Variants in POLR3E observed in about 807,000 individuals in gnomAD.
POLR3E encodes the protein DNA-directed RNA polymerase III subunit RPC5.
POLR3E carries 41 observed loss-of-function variants against 96.6 expected under a neutral mutation model. That is an observed-to-expected ratio of 0.42 (90% CI 0.33 to 0.55). The LOEUF (loss-of-function observed/expected upper bound fraction) is 0.55, where lower values mean the gene tolerates loss of function less well. Among genes scored for constraint, POLR3E ranks in the 20% least tolerant of loss-of-function variants. The pLI, the probability that POLR3E is intolerant of heterozygous loss-of-function variation, is 0.06. For synonymous variants in POLR3E, 396 were observed against 383.6 expected (o/e 1.03, Z -0.38); for missense variants, 849 against 952.1 (o/e 0.89, Z 1.43).
chr16:22,326,879 A>G (rs759849042), intron 18 of POLR3E: 2 of 164,486 alleles, frequency 1.2e-5, no homozygotes, highest in Non-Finnish European at 2.6e-5. Flanking sequence ...AAGCAAGCTG[A>G]CCAGCTCAGC....
intron 19 of POLR3E, among the ~76,000 whole-genome samples, chr16:22,329,348 G>A (rs1285823539): frequency 6.6e-6 from 1 of 152,190 alleles, no homozygotes; most frequent in Non-Finnish European, 1.5e-5. Flanking sequence ...GGTCACAGGT[G>A]TCCAGTGCCC....
At chr16:22,330,752 G>A (rs960187374) in intron 19 of POLR3E, among the ~76,000 whole-genome samples, 4 of 151,980 alleles carry the variant, frequency 2.6e-5, no homozygotes, top group African/African-American at 9.7e-5. Flanking sequence ...GTTTGTCTGG[G>A]ACTAGAATTT....
intron 5 of POLR3E, 23 bp from the exon 6 acceptor site, chr16:22,309,405 C>T (rs1217638154): frequency 1.3e-6 from 2 of 1,580,074 alleles, no homozygotes; most frequent in East Asian, 2.2e-5. Context: ...TCCCCTGTGA[C>T]GTTGCTTCTC....
Position 22,333,801 on chromosome 16 carries a change from G to T in POLR3E, c.*101G>T. On this transcript the variant is annotated 3_prime_UTR_variant, in exon 21 of 21. Coordinates refer to ENST00000299853, the MANE Select transcript of POLR3E (RefSeq NM_018119.4). ...TGCTTCAGACGACACAGAGCAAGAG[G>T]AACTGACCATCTCATGACCTGTGGC... is the stretch of plus-strand genomic sequence containing the variant. 1 of 799,868 alleles carries T rather than the reference G, an allele frequency of 1.3e-6. No individual in the cohort carries two copies. Among genetic ancestry groups the T allele is most frequent in the South Asian group, 1.4e-5 (1 of 70,486 alleles). 49.5% of individuals were successfully genotyped at this position (799,868 alleles called of 1,614,324 possible). A position where few individuals can be genotyped will look rare whatever the true frequency, so the allele number is the denominator to read the frequency against.
At chr16:22,316,863 G>T in intron 10 of POLR3E, 132 bp from the exon 11 acceptor site, 1 of 1,048,208 alleles carries the variant, frequency 9.5e-7, no homozygotes, top group East Asian at 2.4e-5. Flanking sequence ...TTTTCTGCAG[G>T]GGCTCAGGGC....
rs983057184 is a variant in POLR3E at position 22,322,306 on chromosome 16, G to A, written c.987-544G>A. Among the ~76,000 whole-genome samples, 1 of 152,136 alleles carries A rather than the reference G, an allele frequency of 6.6e-6. No individual in the cohort carries two copies. Among genetic ancestry groups the A allele is most frequent in the African/African-American group, 2.4e-5 (1 of 41,414 alleles). ...TCAGGGCTACACTCTGGAGATTCTC[G>A]TGCCCTGCTGTCCAAGGCCCCGGCC... On this transcript the variant is annotated intron_variant, in intron 13 of 20. Coordinates refer to ENST00000299853, the MANE Select transcript of POLR3E (RefSeq NM_018119.4). This position sits in a 1 kb window ranked among gnomAD's most constrained non-coding sequence, Gnocchi z 5.2.
rs1310198618 is a variant in POLR3E at position 22,333,588 on chromosome 16, T to C, written c.2071-56T>C. ...TCGAGTGTTGACATTGTGGACAGAATGTAATTAGCTCCTTTTCCTGCAAAA... is the reference window on the plus strand; with the variant it reads ...TCGAGTGTTGACATTGTGGACAGAACGTAATTAGCTCCTTTTCCTGCAAAA... On this transcript the variant is annotated intron_variant, in intron 20 of 20. Coordinates refer to ENST00000299853, the MANE Select transcript of POLR3E (RefSeq NM_018119.4). The C allele has an allele frequency of 9.5e-6, 11 of 1,154,962 alleles. No homozygotes were observed. The African/African-American group carries it at 1.5e-4, about 16-fold the overall frequency. 71.5% of individuals were successfully genotyped at this position (1,154,962 alleles called of 1,614,324 possible).
chr16:22,310,011 G>A (rs1170133879), intron 6 of POLR3E: 2 of 163,284 alleles, frequency 1.2e-5, no homozygotes, highest in African/African-American at 4.8e-5. Context: ...GCAATGGGAT[G>A]TTATTTGACC....
chr16:22,313,997 G>A lies in POLR3E; in HGVS notation c.473-82G>A. The A allele has an allele frequency of 7.8e-7, 1 of 1,275,570 alleles. No homozygotes were observed. Among genetic ancestry groups the A allele is most frequent in the South Asian group, 1.2e-5 (1 of 83,678 alleles). The allele number at this position is 1,275,570 out of a possible 1,614,324, so 79.0% of individuals were successfully genotyped here. On this transcript the variant is annotated intron_variant, in intron 7 of 20. Coordinates refer to ENST00000299853, the MANE Select transcript of POLR3E (RefSeq NM_018119.4). The surrounding 1 kb of genome is among the most constrained non-coding windows in gnomAD (Gnocchi z 4.1). ...AGGAGAACTCCCAGCACCCCGGCCT[G>A]AGGCTTCCCTGGCGGGTGGGGTTGA... is the stretch of plus-strand genomic sequence containing the variant.
At position 22,322,826 on chromosome 16, in the gene POLR3E, TGC is replaced by T. The variant is rs747865807; in HGVS notation, c.987-23_987-22del. ...AGGGGGCTCAGGGCAGGGACTGACC[TGC>T]CATCCTCACCTGCATTGGCAGTGAC... On this transcript the variant is annotated intron_variant, in intron 13 of 20. Coordinates refer to ENST00000299853, the MANE Select transcript of POLR3E (RefSeq NM_018119.4). The surrounding 1 kb of genome is among the most constrained non-coding windows in gnomAD (Gnocchi z 5.2). 51 of 1,574,538 alleles carry T rather than the reference TGC, an allele frequency of 3.2e-5. No homozygotes were observed. In the South Asian group the frequency reaches 5.7e-4, roughly 17 times the overall value.
intron 9 of POLR3E, among the ~76,000 whole-genome samples, chr16:22,316,242 A>G (rs973154873): frequency 3.9e-5 from 6 of 152,182 alleles, no homozygotes; most frequent in African/African-American, 1.4e-4. Flanking sequence ...AGTAGTAATA[A>G]TAGTACCTAC....
rs150747066 is a variant in POLR3E, at chr16:22,321,098, T to C, written c.987-1752T>C. ...GCGAATCCTCCCCTAGACCATGTGC[T>C]GCCTCCACGAGACCATCAGTTTCAA... On this transcript the variant is annotated intron_variant, in intron 13 of 20. Coordinates refer to ENST00000299853, the MANE Select transcript of POLR3E (RefSeq NM_018119.4). Among the ~76,000 whole-genome samples, 36 of 152,336 alleles carry C rather than the reference T, an allele frequency of 2.4e-4. No homozygotes were observed. In the East Asian group the frequency reaches 6.7e-3, roughly 29 times the overall value.
intron 1 of POLR3E, among the ~76,000 whole-genome samples, chr16:22,299,725 C>T (rs1263111414): frequency 6.6e-6 from 1 of 151,408 alleles, no homozygotes; most frequent in African/African-American, 2.4e-5. Context: ...TGTTTTCCCC[C>T]CAGTAGAGAT....
Position 22,313,774 on chromosome 16 carries a change from GTGGGATGGCTTGGTCCTGGGAAGAGGGA to G in POLR3E, c.472+55_472+82del. 7.6e-7 allele frequency: 1 copy of G among 1,313,510 alleles called. No homozygotes were observed. Among genetic ancestry groups the G allele is most frequent in the Non-Finnish European group, 1.1e-6 (1 of 913,834 alleles). The allele number at this position is 1,313,510 out of a possible 1,614,324, so 81.4% of individuals were successfully genotyped here. A position where few individuals can be genotyped will look rare whatever the true frequency, so the allele number is the denominator to read the frequency against. ...CTGCTGCCTGCCTGCCTTCATCCTG[GTGGGATGGCTTGGTCCTGGGAAGAGGGA>G]TGGGATGATAGGATGTTTAGCAGGA... On this transcript the variant is annotated intron_variant, in intron 7 of 20. Transcript: ENST00000299853. The surrounding 1 kb of genome is among the most constrained non-coding windows in gnomAD (Gnocchi z 4.1).
At chr16:22,315,326 G>A (rs1237170396) in intron 9 of POLR3E, 118 bp downstream of exon 9, 1 of 1,111,160 alleles carries the variant, frequency 9.0e-7, no homozygotes, top group Non-Finnish European at 1.3e-6. Context: ...GCCACAGATA[G>A]AGGATCGAGT....
At chr16:22,310,687 G>C (rs561130250) in intron 6 of POLR3E, among the ~76,000 whole-genome samples, 1 of 149,982 alleles carries the variant, frequency 6.7e-6, no homozygotes, top group South Asian at 2.1e-4. Context: ...TGTAATCCCA[G>C]TGCTTTGGGA....
chr16:22,316,009 A>C (rs2048348498), intron 9 of POLR3E, among the ~76,000 whole-genome samples: 1 of 152,086 alleles, frequency 6.6e-6, no homozygotes, highest in Admixed American at 6.5e-5. Flanking sequence ...GAAACTGTGT[A>C]CTGAGTGAGG....
intron 9 of POLR3E, among the ~76,000 whole-genome samples, chr16:22,315,674 A>ATTTAT (rs200833314): frequency 3.3e-5 from 5 of 151,612 alleles, no homozygotes; most frequent in Admixed American, 6.6e-5. Flanking sequence ...TTATTTATTT[A>ATTTAT]TTATTTATTT....
rs749106764 is a variant in POLR3E at position 22,326,212 on chromosome 16, C to CG, written c.1802dup (p.Ile602HisfsTer32). 3 of 1,613,656 alleles carry CG rather than the reference C, an allele frequency of 1.9e-6. No individual in the cohort carries two copies. The highest frequency in any genetic ancestry group is 1.7e-6 in the Non-Finnish European group (2 of 1,179,934). On this transcript the variant is annotated frameshift_variant, in exon 18 of 21. Coordinates refer to ENST00000299853, the MANE Select transcript of POLR3E (RefSeq NM_018119.4). LOFTEE classifies it high-confidence loss of function. The stretch of plus-strand genomic sequence containing the variant: ...TGCCCCCCGGCCACACACTCTTCAG[C>CG]GGCATCTCGGACCGCATGCTACAGG...
Sources: gnomAD v4.1 joint callset for allele counts (sites outside exome capture counted in the v4.1 genomes callset) on GRCh38, gnomAD v4.1.1 for gene constraint, Gnocchi (gnomAD v3.1) non-coding constraint, MANE v1.5 for transcripts, NCBI Gene and HGNC (gene_info 2026-07-23, HGNC 2026-07-21) for gene names.